Variants in LRRC49 observed in about 807,000 individuals in gnomAD.
LRRC49 encodes the protein leucine rich repeat containing 49, also known as leucine-rich repeat-containing protein 49.
In LRRC49, 50 loss-of-function variants were observed where a neutral mutation model predicts 83.3. The ratio of observed to expected loss-of-function variants is 0.60; its 90% CI spans 0.48 to 0.76. The LOEUF (loss-of-function observed/expected upper bound fraction) is 0.76, where lower values mean the gene tolerates loss of function less well. LRRC49 is among the 30% of genes least tolerant of loss of function. The probability of loss-of-function intolerance (pLI) is 0.00; values close to 1 mark genes in which losing one functional copy is unlikely to be tolerated. For missense variants in LRRC49, 704 were observed against 809.1 expected, an observed-to-expected ratio of 0.87 and a Z score of 1.58; for synonymous variants, 286 against 283.3, an observed-to-expected ratio of 1.01 and a Z score of -0.10.
At chr15:70,936,869 G>A (rs1043097736) in intron 8 of LRRC49, 47 bp downstream of exon 8, 23 of 1,177,904 alleles carry the variant, frequency 2.0e-5, no homozygotes, top group Non-Finnish European at 2.8e-5. Flanking sequence ...TTGATTGTGT[G>A]AGTTCTAGTG....
intron 12 of LRRC49, chr15:71,009,588 C>A (rs905010645): frequency 5.2e-6 from 2 of 382,912 alleles, no homozygotes; most frequent in African/African-American, 2.1e-5. Context: ...AAGGAGTCAC[C>A]CAGAATTCAA....
At chr15:70,906,670 G>C (rs1216044240) in intron 5 of LRRC49, among the ~76,000 whole-genome samples, 1 of 151,910 alleles carries the variant, frequency 6.6e-6, no homozygotes, top group Non-Finnish European at 1.5e-5. Flanking sequence ...TTTTGTTTTT[G>C]TTAACTTGTG....
chr15:71,018,004 G>T (rs1464857886), intron 14 of LRRC49, among the ~76,000 whole-genome samples: 1 of 152,032 alleles, frequency 6.6e-6, no homozygotes, highest in Non-Finnish European at 1.5e-5. Context: ...TATAGATGTA[G>T]AATCTATATG....
chr15:71,044,443 G>T (rs2039789941), intron 15 of LRRC49, among the ~76,000 whole-genome samples: 1 of 152,158 alleles, frequency 6.6e-6, no homozygotes, highest in Non-Finnish European at 1.5e-5. Flanking sequence ...TGGACTTATT[G>T]TTAACTTACA....
intron 1 of LRRC49, among the ~76,000 whole-genome samples, chr15:70,866,160 A>T (rs1306608699): frequency 7.2e-6 from 1 of 137,946 alleles, no homozygotes; most frequent in Admixed American, 7.7e-5. Flanking sequence ...TTATTTATTT[A>T]TTTTTGAGAT....
At chr15:70,866,029 C>A (rs4777320) in intron 1 of LRRC49, among the ~76,000 whole-genome samples, 1 of 151,922 alleles carries the variant, frequency 6.6e-6, no homozygotes, top group African/African-American at 2.4e-5. Context: ...TCCCAATAGA[C>A]AGTAAACTCC....
chr15:71,009,532 G>T (rs538526095), intron 12 of LRRC49: 1 of 260,890 alleles, frequency 3.8e-6, no homozygotes, highest in Admixed American at 5.3e-5. Context: ...TGATATTTAT[G>T]TATCTTTAAA....
intron 3 of LRRC49, among the ~76,000 whole-genome samples, chr15:70,897,449 T>C (rs74021905): frequency 6.6e-6 from 1 of 152,308 alleles, no homozygotes; most frequent in African/African-American, 2.4e-5. Flanking sequence ...CCTGGTTACT[T>C]TCAATGTGCT....
In LRRC49 at chr15:70,895,947, T is replaced by C; in HGVS notation, c.193+11T>C. ...ACTCAAGTAGGCAAGGTATTGTCAGTGAATAGAGATCAGATGTGGTTCATC... is the reference window on the plus strand; with the variant it reads ...ACTCAAGTAGGCAAGGTATTGTCAGCGAATAGAGATCAGATGTGGTTCATC... On this transcript the variant is annotated intron_variant, in intron 3 of 15. Transcript: ENST00000260382. The C allele has an allele frequency of 6.7e-7, 1 of 1,492,178 alleles. No individual in the cohort carries two copies. Among genetic ancestry groups the C allele is most frequent in the Non-Finnish European group, 9.3e-7 (1 of 1,075,052 alleles). 92.4% of individuals were successfully genotyped at this position (1,492,178 alleles called of 1,614,324 possible). A position where few individuals can be genotyped will look rare whatever the true frequency, so the allele number is the denominator to read the frequency against.
At chr15:70,949,891 A>G (rs2036153482) in intron 8 of LRRC49, among the ~76,000 whole-genome samples, 1 of 152,094 alleles carries the variant, frequency 6.6e-6, no homozygotes, top group Non-Finnish European at 1.5e-5. Context: ...GAGGCTTGGT[A>G]TATGAATGAT....
At chr15:71,036,371 C>T (rs2039519266) in intron 14 of LRRC49, among the ~76,000 whole-genome samples, 2 of 152,092 alleles carry the variant, frequency 1.3e-5, no homozygotes, top group Non-Finnish European at 2.9e-5. Flanking sequence ...TTCAAATTTG[C>T]ACTTCCTAAA....
chr15:70,971,728 C>G (rs1247764246), intron 9 of LRRC49, among the ~76,000 whole-genome samples: 1 of 150,680 alleles, frequency 6.6e-6, no homozygotes, highest in Non-Finnish European at 1.5e-5. Context: ...ATGCAATGCC[C>G]TTCTTTGTCT....
chr15:71,036,456 G>C (rs2039521981), intron 14 of LRRC49, among the ~76,000 whole-genome samples: 1 of 152,018 alleles, frequency 6.6e-6, no homozygotes, highest in Non-Finnish European at 1.5e-5. Context: ...TTCCTCTTCT[G>C]CCCTCAATCT....
chr15:70,951,744 C>A lies in LRRC49; in HGVS notation c.774-12041C>A, dbSNP rs150464371. On this transcript the variant is annotated intron_variant, in intron 8 of 15. Coordinates refer to ENST00000260382, the MANE Select transcript of LRRC49 (RefSeq NM_017691.5). ...GCTTTCTGTCTCCCTAATTTAGATG[C>A]CTTTTATTTCTTTTTCTTGCCTGAT... 5.3e-5 allele frequency among the ~76,000 whole-genome samples: 8 copies of A among 152,086 alleles called. No individual in the cohort carries two copies. The South Asian group carries it at 6.2e-4, about 12-fold the overall frequency.
chr15:70,867,609 C>T (rs2032940324), intron 1 of LRRC49, among the ~76,000 whole-genome samples: 1 of 152,212 alleles, frequency 6.6e-6, no homozygotes, highest in Non-Finnish European at 1.5e-5. Context: ...GATTTATCCT[C>T]ACACTGTCAG....
At chr15:70,854,364 T>A (rs552143853) in intron 1 of LRRC49, among the ~76,000 whole-genome samples, 235 of 152,056 alleles carry the variant, frequency 1.5e-3, no homozygotes, top group African/African-American at 5.5e-3. Flanking sequence ...CCCGGAAGGA[T>A]CCCCGCGACC....
chr15:70,965,041 T>A (rs974735624), intron 9 of LRRC49, among the ~76,000 whole-genome samples: 11 of 152,142 alleles, frequency 7.2e-5, no homozygotes, highest in Non-Finnish European at 1.2e-4. Flanking sequence ...GAGCTATGGT[T>A]CTTTGTCCTC....
chr15:70,862,476 G>A (rs2032816361), intron 1 of LRRC49, among the ~76,000 whole-genome samples: 1 of 149,940 alleles, frequency 6.7e-6, no homozygotes, highest in Non-Finnish European at 1.5e-5. Flanking sequence ...TACTCAGGAG[G>A]CTAAGGCAGG....
At chr15:70,905,060 A>C (rs550708965) in intron 5 of LRRC49, among the ~76,000 whole-genome samples, 12 of 152,290 alleles carry the variant, frequency 7.9e-5, no homozygotes, top group African/African-American at 2.9e-4. Context: ...TACTTTAGAC[A>C]TGTGTATTCA....
Sources: allele counts gnomAD v4.1 joint callset (sites outside exome capture counted in the v4.1 genomes callset), GRCh38; gene constraint gnomAD v4.1.1; transcripts MANE v1.5; gene names NCBI Gene and HGNC (gene_info 2026-07-23, HGNC 2026-07-21).